Variants in TTC7A observed in about 807,000 individuals in gnomAD.
TTC7A encodes tetratricopeptide repeat domain 7A.
In TTC7A, 110 loss-of-function variants were observed where a neutral mutation model predicts 103.7. That is an observed-to-expected ratio of 1.06 (90% CI 0.91 to 1.24). The LOEUF (loss-of-function observed/expected upper bound fraction) is 1.24, where lower values mean the gene tolerates loss of function less well. TTC7A is among the 50% of genes most tolerant of loss of function. The pLI is 0.00. For missense variants in TTC7A, 1,340 were observed against 1,116.3 expected (o/e 1.20, Z -2.86); for synonymous variants, 521 against 467.9 (o/e 1.11, Z -1.47).
chr2:47,073,334 G>C (rs1333110872), intron 19 of TTC7A, among the ~76,000 whole-genome samples: 1 of 151,842 alleles, frequency 6.6e-6, no homozygotes, highest in African/African-American at 2.4e-5. Context: ...TCTCGAGAGA[G>C]ATGCTGTGAT....
Position 47,075,077 on chromosome 2 carries a change from G to A in TTC7A, c.*1154G>A, listed in dbSNP as rs1432101907. 2 of 152,170 alleles carry A rather than the reference G, an allele frequency of 1.3e-5. No homozygotes were observed. Among genetic ancestry groups the A allele is most frequent in the African/African-American group, 4.8e-5 (2 of 41,420 alleles). The allele number at this position is 152,170 out of a possible 1,614,324, so 9.4% of individuals were successfully genotyped here. ...AGGATGTGTGGAAAGCTCGGGTGAG[G>A]GCTGCCCTGGTTCATCATAGCTCCA... On this transcript the variant is annotated 3_prime_UTR_variant, in exon 20 of 20. Coordinates refer to ENST00000319190, the MANE Select transcript of TTC7A (RefSeq NM_020458.4).
chr2:47,007,267 C>G lies in TTC7A; in HGVS notation c.1287+543C>G, dbSNP rs907707844. On this transcript the variant is annotated intron_variant, in intron 10 of 19. Transcript: ENST00000319190. This position sits in a 1 kb window ranked among gnomAD's most constrained non-coding sequence, Gnocchi z 4.9. ...GGGACAGGGCCTGGCGGGACGCTGC[C>G]CGGAGCAAGGAGCACCGGGCATGAG... 6.6e-6 allele frequency among the ~76,000 whole-genome samples: 1 copy of G among 151,958 alleles called. No homozygotes were observed. Among genetic ancestry groups the G allele is most frequent in the South Asian group, 2.1e-4 (1 of 4,812 alleles).
intron 19 of TTC7A, among the ~76,000 whole-genome samples, chr2:47,064,325 C>G (rs544038446): frequency 7.8e-4 from 119 of 152,362 alleles, no homozygotes; most frequent in African/African-American, 2.7e-3. Context: ...CAGGTCCTGA[C>G]AGTCTGCCAG....
Position 46,958,943 on chromosome 2 carries a change from C to T in TTC7A, c.517+1936C>T, listed in dbSNP as rs140648562. Reference sequence around the variant, plus strand: ...AGAATGCTGATATTTATTCAGCCCCCCTCCATGCCAGGTAGGCCCTCGTTG... The same window carrying T: ...AGAATGCTGATATTTATTCAGCCCCTCTCCATGCCAGGTAGGCCCTCGTTG... On this transcript the variant is annotated intron_variant, in intron 3 of 19. Transcript: ENST00000319190. Among the ~76,000 whole-genome samples, 861 of 152,308 alleles carry T rather than the reference C, an allele frequency of 5.7e-3. 14 individuals carry two copies. Among genetic ancestry groups the T allele is most frequent in the African/African-American group, 0.019 (794 of 41,554 alleles).
rs1222593439 is a variant in TTC7A, at chr2:46,956,999, T to C, written c.509T>C (p.Val170Ala). 6.2e-7 allele frequency: 1 copy of C among 1,614,098 alleles called. No individual in the cohort carries two copies. Among genetic ancestry groups the C allele is most frequent in the African/African-American group, 1.3e-5 (1 of 75,028 alleles). ...ATGCGGCTGCTGTCGGAGGCTTTTG[T>C]CATCAAAGGTAGCTGTGGGCACCAG... ...YQMRLLSEAF[V>A]IKGLSLERLP... The change falls in exon 3 of 20, where the codon GTC (valine) becomes GCC (alanine). Residue 170 changes from valine to alanine, a missense_variant. Transcript: ENST00000319190.
Position 46,978,851 on chromosome 2 carries a change from C to T in TTC7A, c.708C>T (p.Leu236=), listed in dbSNP as rs774899455. ...LKGCHPLDYE[L]TYFLEAALQS... is the part of the protein sequence containing the mutation. Reference sequence around the variant, plus strand: ...GCTGTCACCCGCTTGACTATGAGCTCACCTACTTCCTGGAAGCTGCCCTCC... The same window carrying T: ...GCTGTCACCCGCTTGACTATGAGCTTACCTACTTCCTGGAAGCTGCCCTCC... Residue 236 remains leucine (L), a synonymous_variant, in exon 5 of 20, where the codon CTC becomes CTT. Transcript: ENST00000319190. 41 of 1,613,988 alleles carry T rather than the reference C, an allele frequency of 2.5e-5. No homozygotes were observed. The highest frequency in any genetic ancestry group is 3.2e-5 in the Non-Finnish European group (38 of 1,180,016).
chr2:46,916,769 G>A (rs1248715081), intron 1 of TTC7A, among the ~76,000 whole-genome samples: 1 of 152,258 alleles, frequency 6.6e-6, no homozygotes, highest in South Asian at 2.1e-4. Context: ...CGAGTAGCTG[G>A]GATTACAGGC....
intron 3 of TTC7A, among the ~76,000 whole-genome samples, chr2:46,960,587 T>G (rs1421810084): frequency 6.6e-6 from 1 of 152,196 alleles, no homozygotes; most frequent in East Asian, 1.9e-4. Flanking sequence ...CTTACAACTT[T>G]CCCAGGTGAT....
intron 16 of TTC7A, among the ~76,000 whole-genome samples, chr2:47,049,344 A>T (rs927534983): frequency 1.3e-5 from 2 of 150,860 alleles, no homozygotes; most frequent in East Asian, 3.9e-4. Flanking sequence ...GAAAAGAGGA[A>T]CCCCTCCCCC....
intron 2 of TTC7A, among the ~76,000 whole-genome samples, chr2:46,932,408 C>G (rs1172465837): frequency 6.6e-6 from 1 of 152,160 alleles, no homozygotes; most frequent in Non-Finnish European, 1.5e-5. Flanking sequence ...CTTGGCCTCC[C>G]AAAGTGCTGG....
At chr2:47,032,426 G>A (rs909775135) in intron 15 of TTC7A, among the ~76,000 whole-genome samples, 8 of 152,202 alleles carry the variant, frequency 5.3e-5, no homozygotes, top group African/African-American at 1.9e-4. Flanking sequence ...AGGAACCTCT[G>A]CCGTGGGAAC....
intron 1 of TTC7A, among the ~76,000 whole-genome samples, chr2:46,944,556 C>T (rs1299708119): frequency 6.6e-6 from 1 of 151,970 alleles, no homozygotes; most frequent in African/African-American, 2.4e-5. Context: ...ATCTCTACCC[C>T]CTACTCCCCT....
At position 47,006,276 on chromosome 2, in the gene TTC7A, G is replaced by A. The variant is rs556662000; in HGVS notation, c.1203+217G>A. ...CAAGGTTGTTGGGGAGAGTGCATGTGAAAGGCTGAGAACAGTGCCATGCAC... is the reference window on the plus strand; with the variant it reads ...CAAGGTTGTTGGGGAGAGTGCATGTAAAAGGCTGAGAACAGTGCCATGCAC... On this transcript the variant is annotated intron_variant, in intron 9 of 19. Transcript: ENST00000319190. Among the ~76,000 whole-genome samples, 10 of 152,334 alleles carry A rather than the reference G, an allele frequency of 6.6e-5. No individual in the cohort carries two copies. The South Asian group carries it at 1.5e-3, about 22-fold the overall frequency.
chr2:47,055,574 A>G (rs1435415994), intron 18 of TTC7A, among the ~76,000 whole-genome samples: 3 of 152,018 alleles, frequency 2.0e-5, no homozygotes, highest in African/African-American at 7.2e-5. Context: ...TTCATCCCCC[A>G]TGACCCCCAT....
chr2:47,069,128 A>G (rs1438445744), intron 19 of TTC7A, among the ~76,000 whole-genome samples: 2 of 152,106 alleles, frequency 1.3e-5, no homozygotes, highest in East Asian at 3.9e-4. Flanking sequence ...GCAGTGCTCC[A>G]GGATGGGTAG....
chr2:46,979,782 T>A (rs1005113164), intron 5 of TTC7A, among the ~76,000 whole-genome samples: 21 of 152,204 alleles, frequency 1.4e-4, no homozygotes, highest in African/African-American at 5.1e-4. Flanking sequence ...GAGCTGAGGT[T>A]TCCTGCCTGT....
At chr2:46,949,472 A>G (rs1228533274) in intron 1 of TTC7A, among the ~76,000 whole-genome samples, 1 of 152,102 alleles carries the variant, frequency 6.6e-6, no homozygotes, top group Non-Finnish European at 1.5e-5. Context: ...ACCTCAAGTG[A>G]TCTGCCTGCC....
intron 11 of TTC7A, among the ~76,000 whole-genome samples, chr2:47,021,463 C>G (rs985792833): frequency 2.6e-5 from 4 of 152,206 alleles, no homozygotes; most frequent in Admixed American, 2.6e-4. Flanking sequence ...AGAGAGGGAG[C>G]GAGCTCATGG....
chr2:47,042,702 G>GTGTGTATATATA (rs111460716), intron 15 of TTC7A, among the ~76,000 whole-genome samples: 9,079 of 142,350 alleles, frequency 0.064, 314 homozygotes, highest in Non-Finnish European at 0.084. Flanking sequence ...GTGTGTGTGT[G>GTGTGTATATATA]TATATATATG....
Sources: allele counts gnomAD v4.1 joint callset (sites outside exome capture counted in the v4.1 genomes callset), GRCh38; gene constraint gnomAD v4.1.1; non-coding constraint Gnocchi (gnomAD v3.1); transcripts MANE v1.5; gene names NCBI Gene and HGNC (gene_info 2026-07-23, HGNC 2026-07-21).